The following ROBO2 variants were observed in gnomAD, a reference collection of about 807,000 sequenced individuals.
The protein encoded by ROBO2 is roundabout homolog 2.
In ROBO2, 53 loss-of-function variants were observed where a neutral mutation model predicts 160.8. The observed-to-expected ratio is 0.33, with a 90% CI of 0.26 to 0.41. The LOEUF (loss-of-function observed/expected upper bound fraction) is 0.41. Ranked by LOEUF, ROBO2 falls within the 10% of genes least tolerant of loss-of-function variation. The probability of loss-of-function intolerance (pLI) is 1.00; values close to 1 mark genes in which losing one functional copy is unlikely to be tolerated. For missense variants in ROBO2, 1,577 were observed against 1,722.4 expected, an observed-to-expected ratio of 0.92 and a Z score of 1.49; for synonymous variants, 664 against 611.7, an observed-to-expected ratio of 1.09 and a Z score of -1.26.
intron 21 of ROBO2, among the ~76,000 whole-genome samples, chr3:77,616,966 C>T (rs1242551052): frequency 6.6e-6 from 1 of 152,064 alleles, no homozygotes; most frequent in Non-Finnish European, 1.5e-5. Context: ...ATAAAGAGGA[C>T]ATTAGTTTCT....
intron 2 of ROBO2, among the ~76,000 whole-genome samples, chr3:76,292,279 G>A (rs898908220): frequency 1.3e-5 from 2 of 152,156 alleles, no homozygotes; most frequent in African/African-American, 4.8e-5. Context: ...GTAGGCAGAT[G>A]ATGTTGTTAG....
chr3:76,573,591 A>G (rs898969871), intron 2 of ROBO2, among the ~76,000 whole-genome samples: 1 of 150,844 alleles, frequency 6.6e-6, no homozygotes, highest in African/African-American at 2.4e-5. Flanking sequence ...ATGATTCCAG[A>G]GATTTATTTT....
intron 2 of ROBO2, among the ~76,000 whole-genome samples, chr3:76,346,043 C>A (rs1461322132): frequency 6.6e-6 from 1 of 152,038 alleles, no homozygotes; most frequent in African/African-American, 2.4e-5. Flanking sequence ...TTTGTCCTTA[C>A]AGGCCAGTTA....
At chr3:76,958,257 TAC>T (rs1391838221) in intron 2 of ROBO2, among the ~76,000 whole-genome samples, 1 of 152,202 alleles carries the variant, frequency 6.6e-6, no homozygotes, top group African/African-American at 2.4e-5. Flanking sequence ...GGTTCTGAAT[TAC>T]AGTCTGTTTT....
chr3:76,035,780 C>G (rs1559854576), intron 2 of ROBO2, among the ~76,000 whole-genome samples: 1 of 151,998 alleles, frequency 6.6e-6, no homozygotes, highest in Non-Finnish European at 1.5e-5. Context: ...TGAAAACAAT[C>G]TCATCAAAAA....
chr3:77,503,231 T>G (rs1006359240), intron 5 of ROBO2, among the ~76,000 whole-genome samples: 1 of 151,174 alleles, frequency 6.6e-6, no homozygotes, highest in Non-Finnish European at 1.5e-5. Flanking sequence ...AAAAAAATAA[T>G]AATAATATAA....
chr3:76,484,045 T>G (rs1231610868), intron 2 of ROBO2, among the ~76,000 whole-genome samples: 1 of 152,200 alleles, frequency 6.6e-6, no homozygotes, highest in Non-Finnish European at 1.5e-5. Flanking sequence ...TGTGTCTTTA[T>G]AACAGAATGA....
chr3:76,162,332 C>T (rs1040374487), intron 2 of ROBO2, among the ~76,000 whole-genome samples: 2 of 152,116 alleles, frequency 1.3e-5, no homozygotes, highest in African/African-American at 4.8e-5. Flanking sequence ...TTTTAGGAGA[C>T]AGGGTCTTGC....
rs545476473 is a variant in ROBO2, at chr3:76,033,774, C to T, written c.109+96172C>T. 8.5e-5 allele frequency among the ~76,000 whole-genome samples: 13 copies of T among 152,246 alleles called. No homozygotes were observed. In the South Asian group the frequency reaches 1.0e-3, roughly 12 times the overall value. On this transcript the variant is annotated intron_variant, in intron 2 of 26. Coordinates refer to the ROBO2 transcript ENST00000487694. ...GTGGAACCCATTGGCCTCATTCACA[C>T]GTGTGGCATGGGTACTTGCTGTTGT...
At chr3:76,231,392 C>A (rs939492584) in intron 2 of ROBO2, among the ~76,000 whole-genome samples, 3 of 152,174 alleles carry the variant, frequency 2.0e-5, no homozygotes, top group African/African-American at 7.2e-5. Flanking sequence ...CAGGCTCATT[C>A]TCTTCCTCTG....
chr3:76,061,382 T>G lies in ROBO2; in HGVS notation c.109+123780T>G, dbSNP rs533440258. On this transcript the variant is annotated intron_variant, in intron 2 of 26. Coordinates refer to the ROBO2 transcript ENST00000487694. Reference sequence around the variant, plus strand: ...TTTAAGTACAGTCTCATTATTCAGATTGGGATTTTCTTTTTTTGGTAAGAT... The same window carrying G: ...TTTAAGTACAGTCTCATTATTCAGAGTGGGATTTTCTTTTTTTGGTAAGAT... 3.3e-5 allele frequency among the ~76,000 whole-genome samples: 5 copies of G among 152,272 alleles called. No homozygotes were observed. The South Asian group carries it at 1.0e-3, about 32-fold the overall frequency.
chr3:77,433,101 G>C (rs1411949626), intron 2 of ROBO2, among the ~76,000 whole-genome samples: 1 of 151,972 alleles, frequency 6.6e-6, no homozygotes, highest in South Asian at 2.1e-4. Context: ...TTGCTACACT[G>C]TCCCCATAAC....
exon 23 of ROBO2, chr3:77,622,332 T>C: frequency 6.2e-7 from 1 of 1,614,224 alleles, no homozygotes; most frequent in Non-Finnish European, 8.5e-7. Context: ...CAGATGATGA[T>C]GCCGACGACG....
chr3:77,051,500 A>G (rs1209393489), intron 1 of ROBO2, among the ~76,000 whole-genome samples: 1 of 152,220 alleles, frequency 6.6e-6, no homozygotes, highest in Admixed American at 6.5e-5. Flanking sequence ...TGTGATGTTC[A>G]TCACTTGGAT....
intron 2 of ROBO2, among the ~76,000 whole-genome samples, chr3:77,387,003 G>T (rs947598775): frequency 6.6e-6 from 1 of 151,980 alleles, no homozygotes; most frequent in Non-Finnish European, 1.5e-5. Context: ...GAGAGAAAAA[G>T]AATGCTCTTG....
chr3:77,325,874 A>G (rs1204137057), intron 2 of ROBO2, among the ~76,000 whole-genome samples: 1 of 152,176 alleles, frequency 6.6e-6, no homozygotes, highest in Non-Finnish European at 1.5e-5. Flanking sequence ...TGGAAGATGG[A>G]AAAGCTGGGA....
At chr3:77,337,730 C>T (rs2066634021) in intron 2 of ROBO2, among the ~76,000 whole-genome samples, 1 of 152,112 alleles carries the variant, frequency 6.6e-6, no homozygotes, top group Non-Finnish European at 1.5e-5. Flanking sequence ...ATTACATAAA[C>T]ATCCCCTAAT....
chr3:76,309,286 C>A (rs1031000960), intron 2 of ROBO2, among the ~76,000 whole-genome samples: 2 of 152,108 alleles, frequency 1.3e-5, no homozygotes, highest in African/African-American at 4.8e-5. Flanking sequence ...TATAGCTCCC[C>A]ATTTTTAAGT....
chr3:77,410,466 C>A (rs1267037002), intron 2 of ROBO2, among the ~76,000 whole-genome samples: 1 of 151,876 alleles, frequency 6.6e-6, no homozygotes, highest in Non-Finnish European at 1.5e-5. Flanking sequence ...TCCTCTCCTC[C>A]TCCTTCCCCT....
Sources: allele counts gnomAD v4.1 joint callset (sites outside exome capture counted in the v4.1 genomes callset), GRCh38; gene constraint gnomAD v4.1.1; transcripts MANE v1.5; gene names NCBI Gene and HGNC (gene_info 2026-07-23, HGNC 2026-07-21).